The following RIMS2 variants were observed in gnomAD, a reference collection of about 807,000 sequenced individuals.
RIMS2 encodes regulating synaptic membrane exocytosis 2.
RIMS2 carries 59 observed loss-of-function variants against 174.4 expected under a neutral mutation model. That is an observed-to-expected ratio of 0.34 (90% CI 0.27 to 0.42). The LOEUF is 0.42. RIMS2 is among the 10% of genes least tolerant of loss of function. The pLI is 1.00. For missense variants in RIMS2, 1,620 were observed against 1,666.3 expected (o/e 0.97, Z 0.48); for synonymous variants, 606 against 572.5 (o/e 1.06, Z -0.84).
chr8:104,241,309 T>C (rs192861641), intron 19 of RIMS2, among the ~76,000 whole-genome samples: 55 of 152,314 alleles, frequency 3.6e-4, no homozygotes, highest in Admixed American at 3.3e-3. Context: ...TTATGTAAAC[T>C]TCTGGGGCCC....
chr8:103,713,561 C>T (rs568751720), intron 2 of RIMS2, among the ~76,000 whole-genome samples: 8 of 152,056 alleles, frequency 5.3e-5, no homozygotes, highest in Non-Finnish European at 1.2e-4. Flanking sequence ...CATTTCCTGT[C>T]TCTCTATGTA....
chr8:103,932,107 A>C (rs2080088146), intron 12 of RIMS2, among the ~76,000 whole-genome samples: 1 of 152,220 alleles, frequency 6.6e-6, no homozygotes, highest in Non-Finnish European at 1.5e-5. Context: ...GAAAAAAGAA[A>C]GAAGAAATAA....
chr8:103,932,636 T>C (rs72681379), intron 12 of RIMS2, among the ~76,000 whole-genome samples: 19,831 of 152,216 alleles, frequency 0.13, 1,720 homozygotes, highest in Non-Finnish European at 0.19. Context: ...TTACTCAAAA[T>C]TTTGAAGAGA....
chr8:103,928,119 T>TA, intron 11 of RIMS2, among the ~76,000 whole-genome samples: 1 of 151,690 alleles, frequency 6.6e-6, no homozygotes, highest in East Asian at 1.9e-4. Context: ...ATAAACTAAA[T>TA]ATTAAACCTT....
At chr8:103,844,914 G>T (rs16870772) in intron 3 of RIMS2, among the ~76,000 whole-genome samples, 18,867 of 151,822 alleles carry the variant, frequency 0.12, 1,272 homozygotes, top group Middle Eastern at 0.22. Context: ...TTACTTTATT[G>T]ACTTGGTTGC....
At chr8:103,724,341 T>C (rs547761847) in intron 2 of RIMS2, among the ~76,000 whole-genome samples, 2 of 152,336 alleles carry the variant, frequency 1.3e-5, no homozygotes, top group Non-Finnish European at 2.9e-5. Flanking sequence ...TCTCTTATTG[T>C]GTACTATTCT....
At chr8:103,655,970 G>T (rs1370851723) in intron 1 of RIMS2, among the ~76,000 whole-genome samples, 1 of 152,134 alleles carries the variant, frequency 6.6e-6, no homozygotes, top group East Asian at 1.9e-4. Flanking sequence ...TAGCATGAGT[G>T]AGAATAGAAA....
At chr8:103,697,556 A>AG (rs1456435093) in intron 2 of RIMS2, among the ~76,000 whole-genome samples, 1 of 151,054 alleles carries the variant, frequency 6.6e-6, no homozygotes, top group Non-Finnish European at 1.5e-5. Flanking sequence ...GAAAAAAAAA[A>AG]AAACAAAAAA....
chr8:103,563,740 A>G (rs1355559936), intron 1 of RIMS2, among the ~76,000 whole-genome samples: 1 of 152,210 alleles, frequency 6.6e-6, no homozygotes, highest in Non-Finnish European at 1.5e-5. Flanking sequence ...GACATACCCA[A>G]GACTAGGCAA....
chr8:103,983,581 A>T (rs1461336661), intron 16 of RIMS2, among the ~76,000 whole-genome samples: 1 of 152,194 alleles, frequency 6.6e-6, no homozygotes, highest in East Asian at 1.9e-4. Flanking sequence ...TAGAGAACCC[A>T]GAAACAAATC....
intron 2 of RIMS2, among the ~76,000 whole-genome samples, chr8:103,733,490 C>G (rs77529223): frequency 0.12 from 18,776 of 152,102 alleles, 1,256 homozygotes; most frequent in Middle Eastern, 0.22. Flanking sequence ...CAGGACTTAC[C>G]CAGAAATCGC....
chr8:104,066,165 A>G (rs1484297676), intron 19 of RIMS2, among the ~76,000 whole-genome samples: 2 of 152,184 alleles, frequency 1.3e-5, no homozygotes, highest in Non-Finnish European at 2.9e-5. Context: ...GTTGTGGCAG[A>G]GTAACAGTTT....
chr8:103,638,707 C>T (rs1319916470), intron 1 of RIMS2, among the ~76,000 whole-genome samples: 1 of 151,714 alleles, frequency 6.6e-6, no homozygotes. Context: ...TTCTGTCTAC[C>T]TGGAAAATTA....
intron 19 of RIMS2, among the ~76,000 whole-genome samples, chr8:104,093,171 T>G (rs1245344296): frequency 6.6e-6 from 1 of 152,092 alleles, no homozygotes; most frequent in Non-Finnish European, 1.5e-5. Context: ...GCCAAATGTT[T>G]ATTTCCCAGA....
At chr8:104,176,742 A>G (rs949795689) in intron 19 of RIMS2, among the ~76,000 whole-genome samples, 11 of 151,742 alleles carry the variant, frequency 7.2e-5, no homozygotes, top group African/African-American at 2.7e-4. Flanking sequence ...ATAGTGAAAG[A>G]AAAAATGAAA....
intron 15 of RIMS2, among the ~76,000 whole-genome samples, chr8:103,962,335 G>T (rs1450002453): frequency 6.6e-6 from 1 of 151,950 alleles, no homozygotes; most frequent in Non-Finnish European, 1.5e-5. Context: ...TGGGTTAATA[G>T]TCTCTGGAAT....
chr8:103,738,197 T>C (rs961996650), intron 2 of RIMS2, among the ~76,000 whole-genome samples: 46 of 152,042 alleles, frequency 3.0e-4, no homozygotes, highest in African/African-American at 1.1e-3. Flanking sequence ...GCAGATGAAA[T>C]AAGAAAAAGG....
At position 103,564,792 on chromosome 8, in the gene RIMS2, T is replaced by C. The variant is rs540566026; in HGVS notation, c.176+63730T>C. Among the ~76,000 whole-genome samples the C allele has an allele frequency of 3.9e-5, 6 of 152,304 alleles. 1 individual carries two copies. The highest frequency in any genetic ancestry group is 1.4e-4 in the African/African-American group (6 of 41,572). On this transcript the variant is annotated intron_variant, in intron 1 of 23. Coordinates refer to ENST00000504942, the Ensembl canonical transcript of RIMS2. ...CCCTCTCCCAGTCCACTGACTCAAA[T>C]GTTAATCCTTTAGCAACACCCTCAC...
At chr8:103,697,236 A>G (rs896604730) in exon 2 of RIMS2, 19 of 1,613,724 alleles carry the variant, frequency 1.2e-5, no homozygotes, top group Non-Finnish European at 1.6e-5. Flanking sequence ...ATAACTGTTC[A>G]TATTGCCAAA....
Sources: allele counts gnomAD v4.1 joint callset (sites outside exome capture counted in the v4.1 genomes callset), GRCh38; gene constraint gnomAD v4.1.1; transcripts MANE v1.5; gene names NCBI Gene and HGNC (gene_info 2026-07-23, HGNC 2026-07-21).